The following SLC35F4 variants were observed in gnomAD, a reference collection of about 807,000 sequenced individuals.
SLC35F4 encodes the protein solute carrier family 35 member F4, also known as chromosome 14 open reading frame 36.
Under a neutral mutation model 44.2 loss-of-function variants are expected in SLC35F4, and 24 were observed. The ratio of observed to expected loss-of-function variants is 0.54; its 90% CI spans 0.39 to 0.76. The LOEUF (loss-of-function observed/expected upper bound fraction) is 0.76, where lower values mean the gene tolerates loss of function less well. Among genes scored for constraint, SLC35F4 ranks in the 30% least tolerant of loss-of-function variants. The probability of loss-of-function intolerance (pLI) is 0.00; values close to 1 mark genes in which losing one functional copy is unlikely to be tolerated. For missense variants in SLC35F4, 562 were observed against 586.1 expected (o/e 0.96, Z 0.42); for synonymous variants, 238 against 223.6 (o/e 1.06, Z -0.57).
intron 1 of SLC35F4, among the ~76,000 whole-genome samples, chr14:57,937,006 A>T (rs867776130): frequency 2.6e-5 from 4 of 152,226 alleles, no homozygotes; most frequent in South Asian, 2.1e-4. Context: ...TGTTACATTT[A>T]AAAAATTGAG....
intron 1 of SLC35F4, among the ~76,000 whole-genome samples, chr14:57,765,386 G>A (rs975071566): frequency 3.9e-5 from 6 of 152,186 alleles, no homozygotes; most frequent in Admixed American, 2.0e-4. Flanking sequence ...ACAGGTTCCC[G>A]TCAGTCAGAT....
chr14:57,666,302 T>C (rs573026408), intron 1 of SLC35F4, among the ~76,000 whole-genome samples: 14 of 152,300 alleles, frequency 9.2e-5, no homozygotes, highest in African/African-American at 3.4e-4. Context: ...TACTATCCAG[T>C]TTTATTTTCC....
intron 1 of SLC35F4, among the ~76,000 whole-genome samples, chr14:57,785,834 G>A (rs2077743110): frequency 6.6e-6 from 1 of 152,204 alleles, no homozygotes; most frequent in African/African-American, 2.4e-5. Flanking sequence ...AGGGTGGCCA[G>A]AGAAGCAGGG....
At chr14:57,590,209 G>C (rs888681602) in intron 2 of SLC35F4, among the ~76,000 whole-genome samples, 2 of 132,988 alleles carry the variant, frequency 1.5e-5, no homozygotes, top group Admixed American at 8.0e-5. Context: ...GGCCAAGAAA[G>C]AGAGACCTTG....
intron 1 of SLC35F4, among the ~76,000 whole-genome samples, chr14:57,750,145 CT>C (rs1168101164): frequency 6.6e-6 from 1 of 151,556 alleles, no homozygotes; most frequent in African/African-American, 2.4e-5. Context: ...CGGTATTTGT[CT>C]TTCAGTGTCT....
intron 1 of SLC35F4, among the ~76,000 whole-genome samples, chr14:57,730,008 A>G (rs2076305509): frequency 6.6e-6 from 1 of 152,170 alleles, no homozygotes; most frequent in African/African-American, 2.4e-5. Flanking sequence ...TGTTCAATGT[A>G]AAGTTCCCCA....
chr14:57,601,735 G>A (rs1464405804), intron 1 of SLC35F4, among the ~76,000 whole-genome samples: 1 of 151,958 alleles, frequency 6.6e-6, no homozygotes, highest in Non-Finnish European at 1.5e-5. Context: ...TGAAATCAAA[G>A]GTTAGATCAC....
intron 1 of SLC35F4, among the ~76,000 whole-genome samples, chr14:57,632,505 T>G (rs2072831170): frequency 6.6e-6 from 1 of 152,010 alleles, no homozygotes; most frequent in Non-Finnish European, 1.5e-5. Flanking sequence ...CTTAGAGCAG[T>G]TTTAGGTTCA....
chr14:57,600,681 G>C (rs1319579236), intron 1 of SLC35F4, among the ~76,000 whole-genome samples: 1 of 56,772 alleles, frequency 1.8e-5, no homozygotes, highest in African/African-American at 6.6e-5. Flanking sequence ...GACAGAGCAA[G>C]ACTCCATCTC....
chr14:57,971,352 T>G lies in SLC35F4; in HGVS notation n.282+10561A>C, dbSNP rs370155988. Among the ~76,000 whole-genome samples the G allele has an allele frequency of 5.9e-5, 9 of 152,382 alleles. No individual in the cohort carries two copies. In the South Asian group the frequency reaches 1.0e-3, roughly 18 times the overall value. Reference sequence around the variant, plus strand: ...TTAGCTCAACTCAATCTTGTTAAATTTTAAAAGATCCTGAATCAAATAGAT... The same window carrying G: ...TTAGCTCAACTCAATCTTGTTAAATGTTAAAAGATCCTGAATCAAATAGAT... On this transcript the variant is annotated intron_variant and non_coding_transcript_variant, in intron 1 of 1. Transcript: ENST00000556568.
chr14:57,809,724 A>T (rs1014230316), intron 1 of SLC35F4, among the ~76,000 whole-genome samples: 1 of 152,236 alleles, frequency 6.6e-6, no homozygotes, highest in African/African-American at 2.4e-5. Context: ...ATTATTTGGT[A>T]AACACTGTTA....
At chr14:57,668,845 A>G (rs2074410291) in intron 1 of SLC35F4, among the ~76,000 whole-genome samples, 1 of 152,062 alleles carries the variant, frequency 6.6e-6, no homozygotes, top group African/African-American at 2.4e-5. Flanking sequence ...ACTTTAAAGT[A>G]GTTTTTTCCA....
chr14:57,569,073 A>C (rs757698802), intron 6 of SLC35F4, among the ~76,000 whole-genome samples: 1 of 152,158 alleles, frequency 6.6e-6, no homozygotes, highest in Non-Finnish European at 1.5e-5. Context: ...CAATGAAGAC[A>C]TTACAAGGAC....
intron 1 of SLC35F4, among the ~76,000 whole-genome samples, chr14:57,892,057 A>G (rs749234079): frequency 5.3e-5 from 8 of 152,210 alleles, no homozygotes; most frequent in Non-Finnish European, 8.8e-5. Context: ...AGAATATGGG[A>G]ATCATCTTTC....
chr14:57,933,302 C>T (rs544849982), intron 1 of SLC35F4, among the ~76,000 whole-genome samples: 69 of 152,140 alleles, frequency 4.5e-4, no homozygotes, highest in African/African-American at 1.6e-3. Flanking sequence ...GGATTACAGG[C>T]GTGAGCCACC....
At chr14:57,862,180 T>A (rs1887737401) in intron 1 of SLC35F4, among the ~76,000 whole-genome samples, 2 of 152,136 alleles carry the variant, frequency 1.3e-5, no homozygotes, top group African/African-American at 4.8e-5. Context: ...TTTACTCCTA[T>A]CTTTCTTACA....
intron 1 of SLC35F4, among the ~76,000 whole-genome samples, chr14:57,715,697 G>C (rs1372781315): frequency 1.3e-5 from 2 of 152,184 alleles, no homozygotes; most frequent in African/African-American, 4.8e-5. Context: ...TGAGCATCTG[G>C]CACTTAGTAG....
At chr14:57,655,304 G>A (rs573785023) in intron 1 of SLC35F4, among the ~76,000 whole-genome samples, 4 of 152,216 alleles carry the variant, frequency 2.6e-5, no homozygotes, top group African/African-American at 9.6e-5. Flanking sequence ...TTGGGGAGGT[G>A]GGAGGCACTG....
intron 1 of SLC35F4, among the ~76,000 whole-genome samples, chr14:57,854,620 C>T (rs776161552): frequency 6.6e-5 from 10 of 152,336 alleles, no homozygotes; most frequent in South Asian, 2.1e-4. Flanking sequence ...TTCCACCTTT[C>T]CCTGCTACCT....
Sources: gnomAD v4.1 joint callset for allele counts (sites outside exome capture counted in the v4.1 genomes callset) on GRCh38, gnomAD v4.1.1 for gene constraint, MANE v1.5 for transcripts, NCBI Gene and HGNC (gene_info 2026-07-23, HGNC 2026-07-21) for gene names.